USP5: variants seen among roughly 807,000 people sequenced by gnomAD.
The protein encoded by USP5 is ubiquitin specific peptidase 5.
In USP5, 24 loss-of-function variants were observed where a neutral mutation model predicts 102.5. The observed-to-expected ratio is 0.23, with a 90% CI of 0.17 to 0.33. The LOEUF (loss-of-function observed/expected upper bound fraction) is 0.33, where lower values mean the gene tolerates loss of function less well. Ranked by LOEUF, USP5 falls within the 10% of genes least tolerant of loss-of-function variation. USP5 has a pLI of 1.00. For missense variants in USP5, 753 were observed against 1,122.1 expected (o/e 0.67, Z 4.70); for synonymous variants, 460 against 434.8 (o/e 1.06, Z -0.72).
Position 6,863,263 on chromosome 12 carries a change from C to A in USP5, c.1840C>A (p.Leu614Met). The A allele has an allele frequency of 6.2e-7, 1 of 1,614,208 alleles. No homozygotes were observed. The highest frequency in any genetic ancestry group is 8.5e-7 in the Non-Finnish European group (1 of 1,180,032). The part of the protein sequence containing the change: ...GTGLQPGEEE[L>M]PDIAPPLVTP... ...AGGGCTGCAGCCCGGAGAGGAGGAG[C>A]TGCCAGACATTGCCCCACCCCTGGT... The change falls in exon 15 of 20, where the codon CTG (leucine) becomes ATG (methionine). Residue 614 changes from leucine (L) to methionine (M), a missense_variant. Around this residue, in one of 3 missense-constraint regions of USP5, gnomAD observed 527 missense variants for 816.5 expected, o/e 0.65. Transcript: ENST00000229268. The surrounding 1 kb of genome is among the most constrained non-coding windows in gnomAD (Gnocchi z 4.7).
rs1565534422 is a variant in USP5 at position 6,864,691 on chromosome 12, G to A, written c.2245-31G>A. 1 of 1,589,856 alleles carries A rather than the reference G, an allele frequency of 6.3e-7. No individual in the cohort carries two copies. Among genetic ancestry groups the A allele is most frequent in the East Asian group, 2.2e-5 (1 of 44,582 alleles). On this transcript the variant is annotated intron_variant, in intron 17 of 19. Coordinates refer to ENST00000229268, the MANE Select transcript of USP5 (RefSeq NM_001098536.2). The surrounding 1 kb of genome is among the most constrained non-coding windows in gnomAD (Gnocchi z 4.8). The stretch of plus-strand genomic sequence containing the variant: ...GCGACAGAGCAAGACTCCGTCTCAA[G>A]AAAAAAAGTAATGCTTCCTTCCTCT...
chr12:6,858,514 C>T lies in USP5; in HGVS notation c.955C>T (p.Pro319Ser), dbSNP rs1423190909. The change falls in exon 8 of 20, where the codon CCC (proline) becomes TCC (serine). Residue 319 changes from proline to serine, a missense_variant. Physicochemically the swap from Pro to Ser is moderately conservative, Grantham distance 74 (BLOSUM62 -1). Coordinates refer to ENST00000229268, the MANE Select transcript of USP5 (RefSeq NM_001098536.2). The surrounding 1 kb of genome is among the most constrained non-coding windows in gnomAD (Gnocchi z 4.2). Reference sequence around the variant, plus strand: ...CCAGGAGTCAGGTGTGCCACTCAAGCCCCTGTTTGGGCCTGGCTACACAGG... The same window carrying T: ...CCAGGAGTCAGGTGTGCCACTCAAGTCCCTGTTTGGGCCTGGCTACACAGG... ...LIQESGVPLK[P>S]LFGPGYTGIR... 8 of 1,613,844 alleles carry T rather than the reference C, an allele frequency of 5.0e-6. No individual in the cohort carries two copies. The highest frequency in any genetic ancestry group is 1.3e-5 in the African/African-American group (1 of 74,936).
Position 6,866,548 on chromosome 12 carries a change from C to T in USP5, c.*471C>T, listed in dbSNP as rs1385714824. Reference sequence around the variant, plus strand: ...GACCCCCCGACTTGCCCTCCTGCCTCAGTCTTTCCCCCACCCTGTCTCTTC... The same window carrying T: ...GACCCCCCGACTTGCCCTCCTGCCTTAGTCTTTCCCCCACCCTGTCTCTTC... On this transcript the variant is annotated 3_prime_UTR_variant, in exon 20 of 20. Coordinates refer to ENST00000229268, the MANE Select transcript of USP5 (RefSeq NM_001098536.2). This position sits in a 1 kb window ranked among gnomAD's most constrained non-coding sequence, Gnocchi z 4.7. 6.1e-6 allele frequency: 1 copy of T among 165,176 alleles called. No individual in the cohort carries two copies. Among genetic ancestry groups the T allele is most frequent in the African/African-American group, 2.4e-5 (1 of 41,950 alleles). The allele number at this position is 165,176 out of a possible 1,614,324, so 10.2% of individuals were successfully genotyped here.
Position 6,855,402 on chromosome 12 carries a change from A to C in USP5, c.113A>C (p.Glu38Ala), listed in dbSNP as rs782453250. 2 of 1,614,090 alleles carry C rather than the reference A, an allele frequency of 1.2e-6. No individual in the cohort carries two copies. Among genetic ancestry groups the C allele is most frequent in the Non-Finnish European group, 1.7e-6 (2 of 1,179,990 alleles). ...DECAFSFDTP[E>A]SEGGLYICMN... ...TCACCCTTACCTCTTGTCCCACAGGAGTCTGAGGGGGGCCTCTACATCTGT... is the reference window on the plus strand; with the variant it reads ...TCACCCTTACCTCTTGTCCCACAGGCGTCTGAGGGGGGCCTCTACATCTGT... The change falls in exon 2 of 20, where the codon GAG (glutamate) becomes GCG (alanine). Residue 38 changes from glutamate to alanine, a missense_variant and splice_region_variant. By Grantham distance (107) the Glu-to-Ala change is moderately radical. This residue lies in a region of USP5 where 527 missense variants were observed against 816.5 expected (regional missense o/e 0.65). Coordinates refer to ENST00000229268, the MANE Select transcript of USP5 (RefSeq NM_001098536.2). This position sits in a 1 kb window ranked among gnomAD's most constrained non-coding sequence, Gnocchi z 4.6.
chr12:6,866,324 T>C lies in USP5; in HGVS notation c.*247T>C, dbSNP rs1406368040. 5 of 478,724 alleles carry C rather than the reference T, an allele frequency of 1.0e-5. No homozygotes were observed. In the East Asian group the frequency reaches 1.3e-4, roughly 12 times the overall value. The allele number at this position is 478,724 out of a possible 1,614,324, so 29.7% of individuals were successfully genotyped here. The stretch of plus-strand genomic sequence containing the variant: ...CCTGTCTGTAAGGAGACTTTGTTGC[T>C]TCCCCTGCCCCCGGAATCCACAGTG... On this transcript the variant is annotated 3_prime_UTR_variant, in exon 20 of 20. Transcript: ENST00000229268. This position sits in a 1 kb window ranked among gnomAD's most constrained non-coding sequence, Gnocchi z 4.7.
At chr12:6,859,091 G>T (rs781808600) in intron 8 of USP5, among the ~76,000 whole-genome samples, 6 of 152,204 alleles carry the variant, frequency 3.9e-5, no homozygotes, top group East Asian at 1.9e-4. Context: ...TGGGGAGGAG[G>T]GGGGCTTGGC....
At chr12:6,859,747 G>A (rs1296769680) in intron 9 of USP5, among the ~76,000 whole-genome samples, 1 of 152,152 alleles carries the variant, frequency 6.6e-6, no homozygotes. Flanking sequence ...CTGCCTCCTG[G>A]GTTCAAGTGA....
chr12:6,853,398 A>C (rs1407654623), intron 1 of USP5, among the ~76,000 whole-genome samples: 1 of 152,266 alleles, frequency 6.6e-6, no homozygotes, highest in African/African-American at 2.4e-5. Flanking sequence ...TCTGGGCCTC[A>C]GACAATGTGC....
Position 6,858,466 on chromosome 12 carries a change from C to G in USP5, c.907C>G (p.Arg303Gly). 1 of 1,611,698 alleles carries G rather than the reference C, an allele frequency of 6.2e-7. No individual in the cohort carries two copies. Among genetic ancestry groups the G allele is most frequent in the South Asian group, 1.1e-5 (1 of 91,042 alleles). The stretch of plus-strand genomic sequence containing the variant: ...TGAGTTGGAGATAGACATGAACCAG[C>G]GGATTGGTGAATGGGAGCTGATCCA... ...MTELEIDMNQ[R>G]IGEWELIQES... Residue 303 changes from arginine to glycine, a missense_variant, in exon 8 of 20, where the codon CGG becomes GGG. Arg to Gly is a moderately radical substitution (Grantham distance 125, BLOSUM62 -2). Coordinates refer to ENST00000229268, the MANE Select transcript of USP5 (RefSeq NM_001098536.2). This position sits in a 1 kb window ranked among gnomAD's most constrained non-coding sequence, Gnocchi z 4.2.
At chr12:6,852,373 C>T in intron 1 of USP5, 83 bp downstream of exon 1, 1 of 1,371,602 alleles carries the variant, frequency 7.3e-7, no homozygotes, top group Non-Finnish European at 1.0e-6. Context: ...AAGGCTTGGG[C>T]TACCGCCTCC....
Position 6,860,745 on chromosome 12 carries a change from C to G in USP5, c.1345-208C>G. ...TACTTGCTGCTTATAAAGAAAAATA[C>G]AAGCGTGTTCTAACACAGTCCCTCA... is the stretch of plus-strand genomic sequence containing the variant. On this transcript the variant is annotated intron_variant, in intron 11 of 19. Coordinates refer to ENST00000229268, the MANE Select transcript of USP5 (RefSeq NM_001098536.2). The surrounding 1 kb of genome is among the most constrained non-coding windows in gnomAD (Gnocchi z 5.5). Among the ~76,000 whole-genome samples, 1 of 152,182 alleles carries G rather than the reference C, an allele frequency of 6.6e-6. No homozygotes were observed. The highest frequency in any genetic ancestry group is 1.9e-4 in the East Asian group (1 of 5,202).
In USP5 at chr12:6,858,410, C is replaced by T. The variant is rs1014465230; in HGVS notation, c.865-14C>T. 3 of 1,591,460 alleles carry T rather than the reference C, an allele frequency of 1.9e-6. No homozygotes were observed. Among genetic ancestry groups the T allele is most frequent in the African/African-American group, 2.7e-5 (2 of 74,552 alleles). On this transcript the variant is annotated splice_polypyrimidine_tract_variant and intron_variant, in intron 7 of 19. Transcript: ENST00000229268. This position sits in a 1 kb window ranked among gnomAD's most constrained non-coding sequence, Gnocchi z 4.2. ...GAGTTTCTCACTCAGTCTGAAGTGC[C>T]CCTTCTCACACAGACAGACAAGACG...
Position 6,855,774 on chromosome 12 carries a change from C to T in USP5, c.257C>T (p.Thr86Ile). 3 of 1,614,236 alleles carry T rather than the reference C, an allele frequency of 1.9e-6. No individual in the cohort carries two copies. The highest frequency in any genetic ancestry group is 2.2e-5 in the East Asian group (1 of 44,890). Residue 86 changes from threonine (T) to isoleucine (I), a missense_variant, in exon 3 of 20, where the codon ACA (threonine) becomes ATA (isoleucine). Coordinates refer to ENST00000229268, the MANE Select transcript of USP5 (RefSeq NM_001098536.2). The surrounding 1 kb of genome is among the most constrained non-coding windows in gnomAD (Gnocchi z 4.6). The part of the protein sequence containing the change: ...TRRPKEEDPA[T>I]GTGDPPRKKP... ...TTACAGAAAGAGGAGGACCCTGCTA[C>T]AGGCACTGGAGACCCACCCCGGAAG...
chr12:6,865,895 C>G, intron 19 of USP5, 89 bp from the exon 20 acceptor site: 1 of 1,137,370 alleles, frequency 8.8e-7, no homozygotes, highest in Non-Finnish European at 1.3e-6. Flanking sequence ...GTGTGGAGAG[C>G]ACTTCCAGGG....
chr12:6,853,590 G>A (rs1369150282), intron 1 of USP5, among the ~76,000 whole-genome samples: 2 of 152,236 alleles, frequency 1.3e-5, no homozygotes, highest in African/African-American at 2.4e-5. Flanking sequence ...GCAGGTGGTA[G>A]AAGTCAGTGG....
At position 6,864,718 on chromosome 12, in the gene USP5, C is replaced by T. The variant is rs200338885; in HGVS notation, c.2245-4C>T. ...AAAAAAGTAATGCTTCCTTCCTCTC[C>T]AAGAACAATAGTTTAGAACGGGCTG... is the stretch of plus-strand genomic sequence containing the variant. On this transcript the variant is annotated splice_region_variant and splice_polypyrimidine_tract_variant and intron_variant, in intron 17 of 19. Transcript: ENST00000229268. This position sits in a 1 kb window ranked among gnomAD's most constrained non-coding sequence, Gnocchi z 4.8. The T allele has an allele frequency of 6.2e-7, 1 of 1,606,052 alleles. No individual in the cohort carries two copies. Among genetic ancestry groups the T allele is most frequent in the Admixed American group, 1.7e-5 (1 of 59,960 alleles).
Position 6,858,867 on chromosome 12 carries a change from AAAG to A in USP5, c.1058+253_1058+255del. On this transcript the variant is annotated intron_variant, in intron 8 of 19. Coordinates refer to ENST00000229268, the MANE Select transcript of USP5 (RefSeq NM_001098536.2). This position sits in a 1 kb window ranked among gnomAD's most constrained non-coding sequence, Gnocchi z 4.2. ...GACCCTGTCTTCTCTTAAAAAAAAA[AAAG>A]AATAATTCCTGTCACACTCTGGCTG... 2.7e-6 allele frequency: 1 copy of A among 371,070 alleles called. No individual in the cohort carries two copies. Among genetic ancestry groups the A allele is most frequent in the East Asian group, 4.1e-5 (1 of 24,122 alleles). The allele number at this position is 371,070 out of a possible 1,614,324, so 23.0% of individuals were successfully genotyped here.
rs1412989546 is a variant in USP5, at chr12:6,852,173, C to A, written c.-7C>A. 6.2e-7 allele frequency: 1 copy of A among 1,608,438 alleles called. No individual in the cohort carries two copies. The highest frequency in any genetic ancestry group is 8.5e-7 in the Non-Finnish European group (1 of 1,177,860). On this transcript the variant is annotated 5_prime_UTR_variant, in exon 1 of 20. Transcript: ENST00000229268. ...CCGCCGTGTGTGGAGAAGCTGCTGCCGGTGTCATGGCGGAGCTGAGTGAGG... is the reference window on the plus strand; with the variant it reads ...CCGCCGTGTGTGGAGAAGCTGCTGCAGGTGTCATGGCGGAGCTGAGTGAGG...
Position 6,863,327 on chromosome 12 carries a change from G to C in USP5, c.1904G>C (p.Gly635Ala). The C allele has an allele frequency of 6.2e-7, 1 of 1,614,192 alleles. No individual in the cohort carries two copies. Among genetic ancestry groups the C allele is most frequent in the Non-Finnish European group, 8.5e-7 (1 of 1,180,030 alleles). Reference sequence around the variant, plus strand: ...CCCAAAGGTAGCCTTGGTTTCTATGGCAACGAAGACGAAGACTCCTTCTGC... The same window carrying C: ...CCCAAAGGTAGCCTTGGTTTCTATGCCAACGAAGACGAAGACTCCTTCTGC... ...DEPKGSLGFY[G>A]NEDEDSFCSP... is the part of the protein sequence containing the mutation. The change falls in exon 15 of 20, where the codon GGC becomes GCC. Residue 635 changes from glycine to alanine, a missense_variant. By Grantham distance (60) the Gly-to-Ala change is moderately conservative (BLOSUM62 0). Around this residue, in one of 3 missense-constraint regions of USP5, gnomAD observed 193 missense variants for 230.2 expected, o/e 0.84. Transcript: ENST00000229268. This position sits in a 1 kb window ranked among gnomAD's most constrained non-coding sequence, Gnocchi z 4.7.
Sources: gnomAD v4.1 joint callset for allele counts (sites outside exome capture counted in the v4.1 genomes callset) on GRCh38, gnomAD v4.1.1 for gene constraint, gnomAD v4.1.1 regional missense constraint, Gnocchi (gnomAD v3.1) non-coding constraint, MANE v1.5 for transcripts, NCBI Gene and HGNC (gene_info 2026-07-23, HGNC 2026-07-21) for gene names.